KLRF1: variants seen among roughly 807,000 people sequenced by gnomAD.
KLRF1 encodes killer cell lectin-like receptor subfamily F member 1.
Under a neutral mutation model 30.7 loss-of-function variants are expected in KLRF1, and 27 were observed. That is an observed-to-expected ratio of 0.88 (90% CI 0.65 to 1.21). KLRF1 has a LOEUF of 1.21. KLRF1 is among the 50% of genes most tolerant of loss of function. KLRF1 has a pLI of 0.00. For missense variants in KLRF1, 246 were observed against 259.3 expected (o/e 0.95, Z 0.35); for synonymous variants, 92 against 89.3 (o/e 1.03, Z -0.17).
chr12:9,802,422 G>A, the KLRF1 span, among the ~76,000 whole-genome samples: 9 of 151,810 alleles, frequency 5.9e-5, no homozygotes, highest in Admixed American at 2.0e-4. Flanking sequence ...TTTGAAAACC[G>A]GCACAAGACA....
chr12:9,805,065 T>A, the KLRF1 span, among the ~76,000 whole-genome samples: 11 of 151,990 alleles, frequency 7.2e-5, no homozygotes, highest in Admixed American at 2.0e-4. Flanking sequence ...GAGCCTGTAG[T>A]TTTCTTTTCT....
At chr12:9,842,464 A>T in intron 5 of KLRF1, 31 bp downstream of exon 5, 1 of 1,601,158 alleles carries the variant, frequency 6.2e-7, no homozygotes, top group Non-Finnish European at 8.5e-7. Context: ...AATCTGATTT[A>T]TTGTTTATTG....
At chr12:9,833,156 T>A (rs1405338226) in intron 2 of KLRF1, 147 bp from the exon 3 acceptor site, 4 of 498,656 alleles carry the variant, frequency 8.0e-6, no homozygotes, top group Non-Finnish European at 1.4e-5. Context: ...ATTCTTTCCA[T>A]CAGTAGACAT....
chr12:9,802,035 A>G, the KLRF1 span, among the ~76,000 whole-genome samples: 2 of 152,062 alleles, frequency 1.3e-5, no homozygotes, highest in African/African-American at 2.4e-5. Context: ...ACACAACAAA[A>G]AAAGAAAACC....
chr12:9,815,965 C>G, the KLRF1 span, among the ~76,000 whole-genome samples: 1 of 152,186 alleles, frequency 6.6e-6, no homozygotes, highest in Non-Finnish European at 1.5e-5. Flanking sequence ...ATTACAGGCA[C>G]ACGCCACCAC....
At chr12:9,815,122 G>A in the KLRF1 span, among the ~76,000 whole-genome samples, 3 of 152,076 alleles carry the variant, frequency 2.0e-5, no homozygotes, top group Non-Finnish European at 4.4e-5. Flanking sequence ...AAAATATTAT[G>A]TACCAATAAG....
rs763852928 is a variant in KLRF1 at position 9,832,399 on chromosome 12, T to G, written c.169T>G (p.Ser57Ala). The G allele has an allele frequency of 1.3e-6, 2 of 1,594,820 alleles. No homozygotes were observed. The highest frequency in any genetic ancestry group is 1.7e-6 in the Non-Finnish European group (2 of 1,163,294). ...TGGTATTCTCACTTTGACTTTGATC[T>G]CCTTGATCCTGTTGGGTAAGTTTAG... is the stretch of plus-strand genomic sequence containing the variant. ...VNGILTLTLI[S>A]LILLVSQGVL... Residue 57 changes from serine (S) to alanine (A), a missense_variant, in exon 2 of 6, where the codon TCC becomes GCC. Physicochemically the swap from Ser to Ala is moderately conservative, Grantham distance 99. Transcript: ENST00000617889.
chr12:9,832,502 T>C (rs891220165), intron 2 of KLRF1, 88 bp downstream of exon 2: 2 of 766,304 alleles, frequency 2.6e-6, no homozygotes, highest in Non-Finnish European at 4.3e-6. Flanking sequence ...CATTCATTCT[T>C]CACTACATTA....
intron 2 of KLRF1, among the ~76,000 whole-genome samples, 188 bp downstream of exon 2, chr12:9,832,602 A>G (rs1371659354): frequency 6.6e-6 from 1 of 151,938 alleles, no homozygotes; most frequent in Admixed American, 6.6e-5. Context: ...TCAGGTAAGT[A>G]TCTTGCCCTC....
chr12:9,818,615 T>G, the KLRF1 span, among the ~76,000 whole-genome samples: 1 of 152,172 alleles, frequency 6.6e-6, no homozygotes, highest in Non-Finnish European at 1.5e-5. Context: ...AGTCCAAGAT[T>G]AAAGAGACTT....
the KLRF1 span, among the ~76,000 whole-genome samples, chr12:9,822,025 A>G: frequency 2.3e-3 from 353 of 152,354 alleles, 4 homozygotes; most frequent in African/African-American, 7.6e-3. Context: ...ACTATATGCA[A>G]TCTACATCAT....
chr12:9,812,210 A>G, the KLRF1 span, among the ~76,000 whole-genome samples: 1 of 151,950 alleles, frequency 6.6e-6, no homozygotes, highest in South Asian at 2.1e-4. Context: ...CTAAAAATAC[A>G]TAAAATTAGC....
At chr12:9,824,574 T>G (rs74464849), upstream of KLRF1, among the ~76,000 whole-genome samples, 553 of 152,246 alleles carry the variant, frequency 3.6e-3, 3 homozygotes, top group African/African-American at 0.012. Context: ...ATGCCCACTC[T>G]CAACATTCCT....
At chr12:9,817,891 A>G in the KLRF1 span, 1 of 190,990 alleles carries the variant, frequency 5.2e-6, no homozygotes, top group Non-Finnish European at 1.2e-5. Flanking sequence ...CTCAACCAGC[A>G]TCATCAGATG....
At chr12:9,806,154 T>C in the KLRF1 span, among the ~76,000 whole-genome samples, 3 of 152,154 alleles carry the variant, frequency 2.0e-5, no homozygotes, top group East Asian at 1.9e-4. Context: ...TCTATTTTAA[T>C]AGTATAGCAT....
rs779199980 is a variant in KLRF1 at position 9,844,526 on chromosome 12, G to C, written c.696G>C (p.Ter232TyrextTer9). 6.5e-7 allele frequency: 1 copy of C among 1,538,560 alleles called. No individual in the cohort carries two copies. Among genetic ancestry groups the C allele is most frequent in the Admixed American group, 1.7e-5 (1 of 58,396 alleles). Residue 232 changes from the stop codon to tyrosine (Y), a stop_lost, in exon 6 of 6, where the codon TAG (stop) becomes TAC (tyrosine). Transcript: ENST00000617889. ...TTTTCAAATGGATTTGTCAGTATTAGAGTTTGACAAAATTCACAGTGAAAT... is the reference window on the plus strand; with the variant it reads ...TTTTCAAATGGATTTGTCAGTATTACAGTTTGACAAAATTCACAGTGAAAT... ...SSVFKWICQY[*>Y]
chr12:9,807,910 A>G, the KLRF1 span, among the ~76,000 whole-genome samples: 1 of 152,112 alleles, frequency 6.6e-6, no homozygotes, highest in East Asian at 1.9e-4. Context: ...TGTCATTCCT[A>G]TGTTAACTAT....
At chr12:9,829,946 A>T (rs1867373579) in intron 1 of KLRF1, among the ~76,000 whole-genome samples, 1 of 152,168 alleles carries the variant, frequency 6.6e-6, no homozygotes, top group Non-Finnish European at 1.5e-5. Context: ...CACTCACCAC[A>T]AACAACAACA....
At chr12:9,834,633 G>A (rs935713431) in intron 3 of KLRF1, among the ~76,000 whole-genome samples, 2 of 152,040 alleles carry the variant, frequency 1.3e-5, no homozygotes, top group African/African-American at 4.8e-5. Flanking sequence ...AAACTAAACG[G>A]CAGATACAAG....
Sources: gnomAD v4.1 joint callset for allele counts (sites outside exome capture counted in the v4.1 genomes callset) on GRCh38, gnomAD v4.1.1 for gene constraint, MANE v1.5 for transcripts, NCBI Gene and HGNC (gene_info 2026-07-23, HGNC 2026-07-21) for gene names.